AVEN: variants seen among roughly 807,000 people sequenced by gnomAD.
AVEN encodes the protein cell death regulator Aven.
Under a neutral mutation model 38.1 loss-of-function variants are expected in AVEN, and 41 were observed. The ratio of observed to expected loss-of-function variants is 1.08; its 90% CI spans 0.84 to 1.40. AVEN has a LOEUF of 1.40. AVEN is among the 40% of genes most tolerant of loss of function. The pLI is 0.00. For missense variants in AVEN, 605 were observed against 438.8 expected (o/e 1.38, Z -3.38); for synonymous variants, 206 against 171.8 (o/e 1.20, Z -1.56).
intron 2 of AVEN, among the ~76,000 whole-genome samples, chr15:33,896,107 C>T (rs772564584): frequency 2.0e-5 from 3 of 152,188 alleles, no homozygotes; most frequent in Admixed American, 2.0e-4. Flanking sequence ...TTCCAAGTAA[C>T]TTAATTATAC....
chr15:33,948,039 T>C (rs1418289370), intron 2 of AVEN, among the ~76,000 whole-genome samples: 1 of 152,160 alleles, frequency 6.6e-6, no homozygotes, highest in African/African-American at 2.4e-5. Flanking sequence ...TGAGACCACA[T>C]GCTATCTCTG....
chr15:33,885,190 G>A (rs919763510), intron 2 of AVEN, among the ~76,000 whole-genome samples: 6 of 152,172 alleles, frequency 3.9e-5, no homozygotes, highest in Admixed American at 3.3e-4. Flanking sequence ...CTTCACAGAG[G>A]AGGAGAGAAT....
At position 34,003,013 on chromosome 15, in the gene AVEN, A is replaced by G. The variant is rs541255245; in HGVS notation, c.445+19T>C. 15 of 1,601,400 alleles carry G rather than the reference A, an allele frequency of 9.4e-6. No individual in the cohort carries two copies. In the Admixed American group the frequency reaches 1.8e-4, roughly 19 times the overall value. On this transcript the variant is annotated intron_variant, in intron 2 of 5. Transcript: ENST00000306730. The stretch of plus-strand genomic sequence containing the variant: ...ACTTTCAGAGCACTAAACAGTATGC[A>G]TGCAACTGGAATTCATACCTGCAGA...
intron 2 of AVEN, among the ~76,000 whole-genome samples, chr15:33,920,885 C>T (rs1413046515): frequency 1.3e-5 from 2 of 152,120 alleles, no homozygotes; most frequent in Admixed American, 6.5e-5. Flanking sequence ...AAGCGATACT[C>T]CTGCCTCAGC....
At chr15:33,857,182 T>A (rs1173120092), downstream of AVEN, among the ~76,000 whole-genome samples, 1 of 152,094 alleles carries the variant, frequency 6.6e-6, no homozygotes, top group African/African-American at 2.4e-5. Flanking sequence ...GCTATTTTGT[T>A]AAACAACAGA....
At chr15:33,981,569 C>T (rs1896145832) in intron 2 of AVEN, among the ~76,000 whole-genome samples, 1 of 152,034 alleles carries the variant, frequency 6.6e-6, no homozygotes, top group African/African-American at 2.4e-5. Context: ...ACCAAAAGGG[C>T]CTACTGCTGC....
At chr15:33,918,564 G>C (rs189438936) in intron 2 of AVEN, among the ~76,000 whole-genome samples, 1 of 144,874 alleles carries the variant, frequency 6.9e-6, no homozygotes, top group Admixed American at 7.4e-5. Context: ...TCTGCCTCCC[G>C]GGTTCAAGCG....
intron 2 of AVEN, among the ~76,000 whole-genome samples, chr15:33,915,503 G>A (rs1011661479): frequency 2.6e-5 from 4 of 152,158 alleles, no homozygotes; most frequent in Non-Finnish European, 5.9e-5. Context: ...AAGAAGCAGC[G>A]GGAAGAGCCC....
intron 1 of AVEN, among the ~76,000 whole-genome samples, chr15:34,072,197 A>T (rs2140857878): frequency 6.6e-6 from 1 of 152,246 alleles, no homozygotes; most frequent in South Asian, 2.1e-4. Flanking sequence ...TGAGCCCAGG[A>T]GTTCAAGGTT....
chr15:33,990,129 G>T (rs1022747850), intron 2 of AVEN, among the ~76,000 whole-genome samples: 58 of 152,144 alleles, frequency 3.8e-4, no homozygotes, highest in Non-Finnish European at 5.3e-4. Context: ...ACTTGAACCT[G>T]GGAGGCAGAG....
chr15:33,927,112 G>A lies in AVEN; in HGVS notation c.446-51117C>T, dbSNP rs561440728. On this transcript the variant is annotated intron_variant, in intron 2 of 5. Transcript: ENST00000306730. ...TACTAAAAATACAAAAAAATTAGCC[G>A]GGTGTGGTGGCGGGCGCCTGTAGTC... 3.7e-3 allele frequency among the ~76,000 whole-genome samples: 568 copies of A among 152,052 alleles called. 3 individuals carry two copies. The highest frequency in any genetic ancestry group is 0.013 in the African/African-American group (548 of 41,496).
chr15:33,865,309 CTGAAATGTGACATTTT>C, downstream of AVEN: 1 of 903,718 alleles, frequency 1.1e-6, no homozygotes, highest in Non-Finnish European at 1.7e-6. Flanking sequence ...TGCAACATAT[CTGAAATGTGACATTTT>C]CTAAATGCCT....
At chr15:34,032,285 G>C (rs934410802) in intron 1 of AVEN, among the ~76,000 whole-genome samples, 1 of 152,108 alleles carries the variant, frequency 6.6e-6, no homozygotes, top group African/African-American at 2.4e-5. Context: ...AATGACCTAC[G>C]TAACCTCTCT....
intron 1 of AVEN, among the ~76,000 whole-genome samples, chr15:34,017,708 G>T (rs1898002105): frequency 6.6e-6 from 1 of 152,054 alleles, no homozygotes; most frequent in African/African-American, 2.4e-5. Context: ...TCGAACTCCT[G>T]ACCTCAAGTG....
At chr15:33,963,571 CG>C (rs1222366244) in intron 2 of AVEN, among the ~76,000 whole-genome samples, 2 of 151,942 alleles carry the variant, frequency 1.3e-5, no homozygotes, top group Non-Finnish European at 2.9e-5. Context: ...CCAAGGCAGG[CG>C]GATCACTTGA....
chr15:33,969,810 A>T (rs1270868452), intron 2 of AVEN, among the ~76,000 whole-genome samples: 3 of 152,104 alleles, frequency 2.0e-5, no homozygotes, highest in Non-Finnish European at 4.4e-5. Context: ...TTAAAACCTC[A>T]AAAGCTTTGA....
At chr15:33,859,734 A>T in intron 11 of AVEN, 1 of 1,604,014 alleles carries the variant, frequency 6.2e-7, no homozygotes, top group Non-Finnish European at 8.5e-7. Context: ...CATTCAAGGT[A>T]TGATTGCCAA....
intron 2 of AVEN, among the ~76,000 whole-genome samples, chr15:33,994,778 C>T (rs1896865961): frequency 6.6e-6 from 1 of 152,156 alleles, no homozygotes; most frequent in Non-Finnish European, 1.5e-5. Flanking sequence ...ATATTCTCTA[C>T]TCTTGAAGTT....
downstream of AVEN, chr15:33,864,672 G>C (rs1597146994): frequency 5.7e-6 from 1 of 176,882 alleles, no homozygotes; most frequent in Admixed American, 5.5e-5. Context: ...GAGAACAAGG[G>C]AGGAAAAAGT....
Sources: allele counts gnomAD v4.1 joint callset (sites outside exome capture counted in the v4.1 genomes callset), GRCh38; gene constraint gnomAD v4.1.1; transcripts MANE v1.5; gene names NCBI Gene and HGNC (gene_info 2026-07-23, HGNC 2026-07-21).